Variants in LYPLAL1 observed in about 807,000 individuals in gnomAD.
LYPLAL1 encodes the protein lysophospholipase-like protein 1.
LYPLAL1 carries 23 observed loss-of-function variants against 19.7 expected under a neutral mutation model. The ratio of observed to expected loss-of-function variants is 1.17; its 90% confidence interval spans 0.84 to 1.65. LYPLAL1 has a LOEUF of 1.65. LYPLAL1 is among the 40% of genes most tolerant of loss of function. LYPLAL1 has a pLI of 0.00. For synonymous variants in LYPLAL1, 119 were observed against 96.3 expected, an observed-to-expected ratio of 1.24 and a Z score of -1.38; for missense variants, 355 against 279.4, an observed-to-expected ratio of 1.27 and a Z score of -1.93.
At chr1:219,181,884 T>C (rs1656324461) in intron 2 of LYPLAL1, among the ~76,000 whole-genome samples, 1 of 152,184 alleles carries the variant, frequency 6.6e-6, no homozygotes, top group African/African-American at 2.4e-5. Flanking sequence ...GCACTTAGCA[T>C]AGAACCTGAC....
chr1:219,245,117 G>C, the LYPLAL1 span, among the ~76,000 whole-genome samples: 2 of 127,914 alleles, frequency 1.6e-5, no homozygotes, highest in Admixed American at 1.7e-4. Flanking sequence ...CCTTTCTTCT[G>C]TTCTCTTTTT....
chr1:219,281,662 CA>C, the LYPLAL1 span, among the ~76,000 whole-genome samples: 1 of 152,236 alleles, frequency 6.6e-6, no homozygotes, highest in East Asian at 1.9e-4. Flanking sequence ...AAAAACCAAA[CA>C]GGGGAGAAGT....
the LYPLAL1 span, among the ~76,000 whole-genome samples, chr1:219,284,877 A>T: frequency 6.6e-6 from 1 of 152,220 alleles, no homozygotes; most frequent in Non-Finnish European, 1.5e-5. Context: ...GACAACAGAA[A>T]GCAAATTGGA....
the LYPLAL1 span, among the ~76,000 whole-genome samples, chr1:219,364,166 A>G: frequency 6.6e-6 from 1 of 152,174 alleles, no homozygotes. Flanking sequence ...TGCATGAAAT[A>G]TTGAAAGGAC....
chr1:219,256,797 T>C, the LYPLAL1 span, among the ~76,000 whole-genome samples: 1 of 152,136 alleles, frequency 6.6e-6, no homozygotes, highest in East Asian at 1.9e-4. Flanking sequence ...GATTTTCCAC[T>C]GTGGCTATTC....
chr1:219,325,315 C>G, the LYPLAL1 span, among the ~76,000 whole-genome samples: 1 of 152,102 alleles, frequency 6.6e-6, no homozygotes, highest in African/African-American at 2.4e-5. Context: ...CTCCCTATAC[C>G]CACCCCTTCT....
At chr1:219,208,134 A>T (rs756815930) in intron 3 of LYPLAL1, among the ~76,000 whole-genome samples, 29 of 152,088 alleles carry the variant, frequency 1.9e-4, no homozygotes, top group Non-Finnish European at 3.7e-4. Flanking sequence ...GAAGGAAGTG[A>T]GTGTTTGGTA....
At chr1:219,369,985 T>C in the LYPLAL1 span, among the ~76,000 whole-genome samples, 1 of 151,924 alleles carries the variant, frequency 6.6e-6, no homozygotes, top group Admixed American at 6.6e-5. Context: ...AAAAGAAGAG[T>C]GTTTAAGGTA....
chr1:219,382,577 C>T, the LYPLAL1 span, among the ~76,000 whole-genome samples: 38 of 151,924 alleles, frequency 2.5e-4, no homozygotes, highest in African/African-American at 6.0e-4. Flanking sequence ...TTAGCCAGGA[C>T]GGTCTCGATC....
At chr1:219,436,608 C>A in the LYPLAL1 span, among the ~76,000 whole-genome samples, 1 of 152,160 alleles carries the variant, frequency 6.6e-6, no homozygotes, top group African/African-American at 2.4e-5. Flanking sequence ...ATAGCCAGAG[C>A]AGACCCTTAA....
chr1:219,218,694 G>A, the LYPLAL1 span, among the ~76,000 whole-genome samples: 1 of 152,056 alleles, frequency 6.6e-6, no homozygotes, highest in East Asian at 1.9e-4. Context: ...GGAAGACTAA[G>A]CATATTCCTA....
intron 1 of LYPLAL1, 68 bp from the exon 2 acceptor site, chr1:219,179,079 T>C: frequency 1.8e-6 from 2 of 1,103,428 alleles, no homozygotes; most frequent in Non-Finnish European, 2.6e-6. Flanking sequence ...CATAAAAGTT[T>C]TAGACTGCTT....
At chr1:219,445,415 G>C in the LYPLAL1 span, among the ~76,000 whole-genome samples, 1 of 105,440 alleles carries the variant, frequency 9.5e-6, no homozygotes, top group African/African-American at 3.8e-5. Flanking sequence ...AATTGGGGGG[G>C]GGGCGGTGGG....
At chr1:219,242,937 A>C in the LYPLAL1 span, among the ~76,000 whole-genome samples, 110,878 of 151,970 alleles carry the variant, frequency 0.73, 41,272 homozygotes, top group East Asian at 0.93. Flanking sequence ...AAGGAGCACC[A>C]GTGTGTGTCA....
the LYPLAL1 span, among the ~76,000 whole-genome samples, chr1:219,424,254 A>G: frequency 6.6e-6 from 1 of 152,168 alleles, no homozygotes; most frequent in Non-Finnish European, 1.5e-5. Context: ...CTTAGCATTG[A>G]CACTCTAGGT....
At chr1:219,191,780 T>G (rs1279456548) in intron 2 of LYPLAL1, among the ~76,000 whole-genome samples, 1 of 151,570 alleles carries the variant, frequency 6.6e-6, no homozygotes. Flanking sequence ...CTGCATAAAC[T>G]TAGGGAAAAC....
the LYPLAL1 span, among the ~76,000 whole-genome samples, chr1:219,288,988 C>CG: frequency 6.6e-6 from 1 of 151,822 alleles, no homozygotes; most frequent in Non-Finnish European, 1.5e-5. Flanking sequence ...GAAATGTTAC[C>CG]GTCTTAATAC....
the LYPLAL1 span, among the ~76,000 whole-genome samples, chr1:219,434,568 T>A: frequency 1.3e-5 from 2 of 152,218 alleles, no homozygotes; most frequent in Non-Finnish European, 2.9e-5. Context: ...GAAATTATTG[T>A]CTTCTTACTG....
At chr1:219,208,022 G>C (rs1008612442) in intron 3 of LYPLAL1, among the ~76,000 whole-genome samples, 6 of 151,880 alleles carry the variant, frequency 4.0e-5, no homozygotes, top group Admixed American at 6.6e-5. Context: ...TCCTATTTTA[G>C]AGATGTAGTT....
Sources: allele counts gnomAD v4.1 joint callset (sites outside exome capture counted in the v4.1 genomes callset), GRCh38; gene constraint gnomAD v4.1.1; transcripts MANE v1.5; gene names NCBI Gene and HGNC (gene_info 2026-07-23, HGNC 2026-07-21).